WASHC4: variants seen among roughly 807,000 people sequenced by gnomAD.
The protein encoded by WASHC4 is WASH complex subunit 4.
A neutral mutation model predicts 166.6 loss-of-function variants in WASHC4; 86 were observed. The ratio of observed to expected loss-of-function variants is 0.52; its 90% CI spans 0.43 to 0.62. The LOEUF is 0.62. Ranked by LOEUF, WASHC4 falls within the 20% of genes least tolerant of loss-of-function variation. The pLI, the probability that WASHC4 is intolerant of heterozygous loss-of-function variation, is 0.00. For synonymous variants in WASHC4, 446 were observed against 451.6 expected, an observed-to-expected ratio of 0.99 and a Z score of 0.16; for missense variants, 1,262 against 1,382.4, an observed-to-expected ratio of 0.91 and a Z score of 1.38.
At chr12:105,130,867 T>G (rs1881735535) in intron 13 of WASHC4, among the ~76,000 whole-genome samples, 1 of 152,244 alleles carries the variant, frequency 6.6e-6, no homozygotes, top group Non-Finnish European at 1.5e-5. Context: ...AATCTTTGTT[T>G]CAACCCCCCA....
At chr12:105,147,645 C>T in intron 24 of WASHC4, 1 of 951,938 alleles carries the variant, frequency 1.1e-6, no homozygotes. Flanking sequence ...GTGGCTCACG[C>T]TTGTAATCCC....
At chr12:105,147,276 T>C (rs1392716985) in intron 24 of WASHC4, 130 bp downstream of exon 24, 6 of 672,754 alleles carry the variant, frequency 8.9e-6, no homozygotes, top group African/African-American at 1.8e-5. Context: ...CCATTTTTTT[T>C]CTGGTTAGTA....
rs1241696777 is a variant in WASHC4 at position 105,123,617 on chromosome 12, G to A, written c.786+1379G>A. On this transcript the variant is annotated intron_variant, in intron 10 of 32. Transcript: ENST00000332180. ...GCTGTAGAAGAAAAATTTGAACCTA[G>A]CACAGGTTGGTTTATGAGGTTTAAG... Among the ~76,000 whole-genome samples the A allele has an allele frequency of 2.0e-5, 3 of 152,196 alleles. No homozygotes were observed. In the South Asian group the frequency reaches 6.2e-4, roughly 31 times the overall value.
intron 10 of WASHC4, 136 bp from the exon 11 acceptor site, chr12:105,125,864 AGAAC>A: frequency 1.3e-6 from 1 of 772,618 alleles, no homozygotes; most frequent in Non-Finnish European, 2.1e-6. Context: ...GATTAGATTA[AGAAC>A]CTGAGCTTTA....
rs773625496 is a variant in WASHC4 at position 105,164,205 on chromosome 12, A to G, written c.3252A>G (p.Ile1084Met). Residue 1084 changes from isoleucine (I) to methionine (M), a missense_variant, in exon 31 of 33, where the codon ATA becomes ATG. Ile to Met is a conservative substitution (Grantham distance 10). Coordinates refer to ENST00000332180, the MANE Select transcript of WASHC4 (RefSeq NM_015275.3). ...QSVREKYLKE[I>M]RAVAKQQNVQ... ...TTAGAGAGAAATACCTGAAGGAGAT[A>G]AGAGCAGTTGCTAAGCAACAGAATG... The G allele has an allele frequency of 5.0e-6, 8 of 1,613,992 alleles. No homozygotes were observed. In the South Asian group the frequency reaches 6.6e-5, roughly 13 times the overall value.
At chr12:105,147,715 G>C (rs1037443624) in intron 24 of WASHC4, 1 of 395,284 alleles carries the variant, frequency 2.5e-6, no homozygotes, top group African/African-American at 2.2e-5. Flanking sequence ...AGACCAGCCT[G>C]ACCAACATGG....
intron 1 of WASHC4, among the ~76,000 whole-genome samples, chr12:105,108,105 C>T (rs1879258436): frequency 6.6e-6 from 1 of 152,196 alleles, no homozygotes; most frequent in Non-Finnish European, 1.5e-5. Context: ...TCCTGGGGAG[C>T]CTGCGGTGCC....
At chr12:105,153,388 A>C (rs193206688) in intron 26 of WASHC4, among the ~76,000 whole-genome samples, 2 of 152,322 alleles carry the variant, frequency 1.3e-5, no homozygotes, top group Admixed American at 1.3e-4. Flanking sequence ...TTTTTCAGTT[A>C]ATTGATTTGC....
chr12:105,144,184 G>C (rs1883098504), intron 20 of WASHC4, 103 bp from the exon 21 acceptor site: 1 of 948,974 alleles, frequency 1.1e-6, no homozygotes, highest in South Asian at 1.5e-5. Context: ...AACTGCTTCT[G>C]ACCAAAAAAC....
At chr12:105,157,343 T>C (rs992396954) in intron 28 of WASHC4, 21 bp downstream of exon 28, 5 of 1,343,902 alleles carry the variant, frequency 3.7e-6, no homozygotes, top group East Asian at 2.3e-5. Flanking sequence ...TTTGGAAATA[T>C]AAAAAAGTGT....
In WASHC4 at chr12:105,148,841, A is replaced by G. The variant is rs538179615; in HGVS notation, c.2515-774A>G. ...ATGCTATTTCTGCCTGTAGGTTGGA[A>G]TTAATCTTTTGCTATTTCCATCTGT... On this transcript the variant is annotated intron_variant, in intron 24 of 32. Transcript: ENST00000332180. The G allele has an allele frequency of 1.1e-5, 11 of 985,344 alleles. No individual in the cohort carries two copies. In the Admixed American group the frequency reaches 4.3e-4, roughly 39 times the overall value. 61.0% of individuals were successfully genotyped at this position (985,344 alleles called of 1,614,324 possible).
intron 14 of WASHC4, among the ~76,000 whole-genome samples, chr12:105,134,737 C>T (rs1262297587): frequency 6.6e-6 from 1 of 151,556 alleles, no homozygotes; most frequent in Non-Finnish European, 1.5e-5. Context: ...GTGTGTCTTC[C>T]GTAAGTAACG....
At chr12:105,113,066 C>T (rs573462380) in intron 2 of WASHC4, among the ~76,000 whole-genome samples, 23 of 152,150 alleles carry the variant, frequency 1.5e-4, no homozygotes, top group Non-Finnish European at 3.1e-4. Context: ...ATCATCCCCC[C>T]CCAAATTTGT....
At position 105,164,129 on chromosome 12, in the gene WASHC4, A is replaced by C. The variant is rs1884665122; in HGVS notation, c.3176A>C (p.Lys1059Thr). The change falls in exon 31 of 33, where the codon AAG (lysine) becomes ACG (threonine). Residue 1059 changes from lysine to threonine, a missense_variant. Lys to Thr is a moderately conservative substitution (Grantham distance 78, BLOSUM62 -1). Transcript: ENST00000332180. ...CCTGCAGGTGTGGCTTACATTCTAA[A>C]GCTTTTGGATCAGTATCGGGAGTTT... ...GFAMGVAYILKLLDQYREFDS... is the reference protein window; with the variant it reads ...GFAMGVAYILTLLDQYREFDS... The C allele has an allele frequency of 6.2e-7, 1 of 1,614,166 alleles. No homozygotes were observed. The highest frequency in any genetic ancestry group is 1.7e-5 in the Admixed American group (1 of 60,024).
intron 13 of WASHC4, among the ~76,000 whole-genome samples, chr12:105,128,909 C>G (rs1004164835): frequency 1.3e-5 from 2 of 149,474 alleles, no homozygotes; most frequent in Non-Finnish European, 1.5e-5. Context: ...TCCCAAGTAG[C>G]TGGGACTACA....
rs776442220 is a variant in WASHC4, at chr12:105,141,241, A to G, written c.1782A>G (p.Arg594=). Reference sequence around the variant, plus strand: ...AACTGGATCTTATTAGTGAACTTAGAGAACGGTAAGTAGGACTGGGATATG... The same window carrying G: ...AACTGGATCTTATTAGTGAACTTAGGGAACGGTAAGTAGGACTGGGATATG... ...MKKLDLISEL[R]ERVQTQCDCC... Residue 594 remains arginine, a synonymous_variant, in exon 18 of 33, where the codon AGA becomes AGG. Transcript: ENST00000332180. 8 of 1,596,752 alleles carry G rather than the reference A, an allele frequency of 5.0e-6. No homozygotes were observed. The highest frequency in any genetic ancestry group is 1.1e-5 in the South Asian group (1 of 90,692).
intron 22 of WASHC4, among the ~76,000 whole-genome samples, chr12:105,146,110 A>G (rs550176534): frequency 6.6e-6 from 1 of 152,292 alleles, no homozygotes; most frequent in African/African-American, 2.4e-5. Context: ...ACCTTTTAGA[A>G]TCTGGCTACT....
chr12:105,136,141 T>C (rs924223927), intron 14 of WASHC4, among the ~76,000 whole-genome samples: 1 of 152,130 alleles, frequency 6.6e-6, no homozygotes, highest in African/African-American at 2.4e-5. Flanking sequence ...CACCCTTACT[T>C]TTTTGGGGGG....
rs563969948 is a variant in WASHC4, at chr12:105,158,506, A to C, written c.2912+1184A>C. ...GGAGGAAATGTCCTGAAAAATTTAG[A>C]ATGTGAGCATTTTATGAAACACTTG... On this transcript the variant is annotated intron_variant, in intron 28 of 32. Coordinates refer to ENST00000332180, the MANE Select transcript of WASHC4 (RefSeq NM_015275.3). 2.0e-5 allele frequency among the ~76,000 whole-genome samples: 3 copies of C among 152,272 alleles called. 1 individual carries two copies. Among genetic ancestry groups the C allele is most frequent in the South Asian group, 4.1e-4 (2 of 4,826 alleles).
Sources: allele counts gnomAD v4.1 joint callset (sites outside exome capture counted in the v4.1 genomes callset), GRCh38; gene constraint gnomAD v4.1.1; transcripts MANE v1.5; gene names NCBI Gene and HGNC (gene_info 2026-07-23, HGNC 2026-07-21).